The following PLXDC2 variants were observed in gnomAD, a reference collection of about 807,000 sequenced individuals.
PLXDC2 encodes plexin domain containing 2, also known as plexin domain-containing protein 2.
PLXDC2 carries 40 observed loss-of-function variants against 68.9 expected under a neutral mutation model. The ratio of observed to expected loss-of-function variants is 0.58; its 90% CI spans 0.45 to 0.76. The LOEUF is 0.76. Ranked by LOEUF, PLXDC2 falls within the 30% of genes least tolerant of loss-of-function variation. PLXDC2 has a pLI of 0.00. For missense variants in PLXDC2, 644 were observed against 661.9 expected, an observed-to-expected ratio of 0.97 and a Z score of 0.30; for synonymous variants, 243 against 234.2, an observed-to-expected ratio of 1.04 and a Z score of -0.34.
In PLXDC2 at chr10:20,288,630, C is replaced by T. The variant is rs963880860; in HGVS notation, c.*8811C>T. 3 of 152,116 alleles carry T rather than the reference C, an allele frequency of 2.0e-5. No homozygotes were observed. The highest frequency in any genetic ancestry group is 7.2e-5 in the African/African-American group (3 of 41,398). The allele number at this position is 152,116 out of a possible 1,614,324, so 9.4% of individuals were successfully genotyped here. The stretch of plus-strand genomic sequence containing the variant: ...TAATGACCTAAGTTTGAATGTATTT[C>T]CTTACAGTCCATTAATTTGACATCC... On this transcript the variant is annotated 3_prime_UTR_variant, in exon 14 of 14. Coordinates refer to ENST00000377252, the MANE Select transcript of PLXDC2 (RefSeq NM_032812.9).
intron 1 of PLXDC2, among the ~76,000 whole-genome samples, chr10:19,943,887 G>A (rs1169770648): frequency 6.6e-6 from 1 of 152,154 alleles, no homozygotes; most frequent in Non-Finnish European, 1.5e-5. Flanking sequence ...GGAGGAAATG[G>A]ACTTTTGCTA....
intron 9 of PLXDC2, among the ~76,000 whole-genome samples, chr10:20,202,824 T>C (rs937631175): frequency 6.6e-6 from 1 of 152,192 alleles, no homozygotes; most frequent in African/African-American, 2.4e-5. Flanking sequence ...AAGTATCTAA[T>C]AATCTAGCTA....
chr10:20,182,604 G>A (rs1834621098), intron 9 of PLXDC2, among the ~76,000 whole-genome samples: 1 of 151,740 alleles, frequency 6.6e-6, no homozygotes, highest in Non-Finnish European at 1.5e-5. Context: ...CATTTCTCTG[G>A]GTTGGGTGGT....
chr10:20,217,536 A>G lies in PLXDC2; in HGVS notation c.1233A>G (p.Arg411=). ...TCAGGGTCCTAACTACCACCAGAAG[A>G]GCAGTGACTTCTCAGTTTCCCACCA... ...TQFRVLTTTR[R]AVTSQFPTSL... Residue 411 remains arginine, a synonymous_variant, in exon 11 of 14, where the codon AGA becomes AGG. Coordinates refer to ENST00000377252, the MANE Select transcript of PLXDC2 (RefSeq NM_032812.9). 6.2e-7 allele frequency: 1 copy of G among 1,607,152 alleles called. No homozygotes were observed. The highest frequency in any genetic ancestry group is 8.5e-7 in the Non-Finnish European group (1 of 1,176,794).
chr10:19,990,717 T>A (rs1209136243), intron 1 of PLXDC2, among the ~76,000 whole-genome samples: 1 of 152,218 alleles, frequency 6.6e-6, no homozygotes, highest in Non-Finnish European at 1.5e-5. Flanking sequence ...TTATTTACAA[T>A]GTTAGTTAAA....
chr10:20,013,648 C>T (rs1243767534), intron 2 of PLXDC2, among the ~76,000 whole-genome samples: 6 of 152,118 alleles, frequency 3.9e-5, no homozygotes, highest in Non-Finnish European at 8.8e-5. Context: ...AAATTCTATG[C>T]TCTGAAAATG....
Position 20,281,331 on chromosome 10 carries a change from T to C in PLXDC2, c.*1512T>C, listed in dbSNP as rs1564375484. 3 of 152,174 alleles carry C rather than the reference T, an allele frequency of 2.0e-5. No homozygotes were observed. The allele number at this position is 152,174 out of a possible 1,614,324, so 9.4% of individuals were successfully genotyped here. ...GCTCCTAAAGTTTAAATTCAGGTAC[T>C]GAGTGTACAATTTCACCAACATTCT... is the stretch of plus-strand genomic sequence containing the variant. On this transcript the variant is annotated 3_prime_UTR_variant, in exon 14 of 14. Coordinates refer to ENST00000377252, the MANE Select transcript of PLXDC2 (RefSeq NM_032812.9).
rs11011790 is a variant in PLXDC2 at position 20,088,538 on chromosome 10, C to G, written c.541+20299C>G. On this transcript the variant is annotated intron_variant, in intron 4 of 13. Coordinates refer to ENST00000377252, the MANE Select transcript of PLXDC2 (RefSeq NM_032812.9). ...GGGTACTGTTGAGGAAACCAAAAGG[C>G]ATGATCTTTGTACCCAAGAAAGGTA... is the stretch of plus-strand genomic sequence containing the variant. Among the ~76,000 whole-genome samples the G allele has an allele frequency of 8.9e-4, 136 of 152,240 alleles. 1 individual carries two copies. The East Asian group carries it at 0.026, about 29-fold the overall frequency.
intron 12 of PLXDC2, among the ~76,000 whole-genome samples, chr10:20,223,283 A>C (rs955887695): frequency 2.0e-5 from 3 of 150,788 alleles, no homozygotes; most frequent in African/African-American, 7.3e-5. Context: ...TAACAACATC[A>C]TGGTAGTCCT....
At chr10:20,172,650 A>G (rs936036470) in intron 7 of PLXDC2, among the ~76,000 whole-genome samples, 1 of 152,170 alleles carries the variant, frequency 6.6e-6, no homozygotes, top group African/African-American at 2.4e-5. Flanking sequence ...GGGCAAAGTA[A>G]TTATCAAAGG....
intron 13 of PLXDC2, among the ~76,000 whole-genome samples, chr10:20,278,115 CA>C (rs1240695031): frequency 6.6e-6 from 1 of 152,114 alleles, no homozygotes; most frequent in Non-Finnish European, 1.5e-5. Context: ...CAGTTACTTC[CA>C]AATCTTGGCT....
chr10:20,265,974 A>T (rs2119372613), intron 13 of PLXDC2, among the ~76,000 whole-genome samples: 1 of 152,328 alleles, frequency 6.6e-6, no homozygotes, highest in African/African-American at 2.4e-5. Flanking sequence ...TGGGATCCAC[A>T]CATGGAAAGA....
chr10:20,255,191 G>GATAGATA (rs1554779054), intron 13 of PLXDC2, among the ~76,000 whole-genome samples: 2,092 of 96,794 alleles, frequency 0.022, 26 homozygotes, highest in Non-Finnish European at 0.031. Flanking sequence ...ATAGGTGGAT[G>GATAGATA]GATAGATAGA....
chr10:20,186,736 G>A (rs945036346), intron 9 of PLXDC2, among the ~76,000 whole-genome samples: 3 of 151,824 alleles, frequency 2.0e-5, no homozygotes, highest in Non-Finnish European at 4.4e-5. Context: ...TCCTGCAAAG[G>A]ACATGATCTT....
At chr10:19,931,700 C>T (rs1833637141) in intron 1 of PLXDC2, among the ~76,000 whole-genome samples, 1 of 152,130 alleles carries the variant, frequency 6.6e-6, no homozygotes, top group South Asian at 2.1e-4. Flanking sequence ...TCAATGTTGT[C>T]ACTGCCTTCC....
chr10:20,063,827 A>G (rs1394991264), intron 3 of PLXDC2, among the ~76,000 whole-genome samples: 2 of 152,162 alleles, frequency 1.3e-5, no homozygotes, highest in African/African-American at 4.8e-5. Context: ...ATTTACTGCA[A>G]ACCACCTGGA....
chr10:20,039,830 C>CT (rs1391253706), intron 2 of PLXDC2, among the ~76,000 whole-genome samples: 1 of 152,148 alleles, frequency 6.6e-6, no homozygotes, highest in African/African-American at 2.4e-5. Flanking sequence ...AGGTAAATAT[C>CT]TTCCACCCAT....
intron 4 of PLXDC2, among the ~76,000 whole-genome samples, chr10:20,122,668 G>A (rs940523541): frequency 5.3e-5 from 8 of 152,194 alleles, no homozygotes; most frequent in African/African-American, 9.6e-5. Context: ...TGGCCGCTGC[G>A]GTTCAGGCAT....
intron 4 of PLXDC2, among the ~76,000 whole-genome samples, chr10:20,110,633 A>ACGC (rs1428842642): frequency 6.6e-6 from 1 of 152,038 alleles, no homozygotes; most frequent in Non-Finnish European, 1.5e-5. Flanking sequence ...TCGGCTCTGA[A>ACGC]CGCCGGTCAC....
Sources: allele counts gnomAD v4.1 joint callset (sites outside exome capture counted in the v4.1 genomes callset), GRCh38; gene constraint gnomAD v4.1.1; transcripts MANE v1.5; gene names NCBI Gene and HGNC (gene_info 2026-07-23, HGNC 2026-07-21).